PTPRD: variants seen among roughly 807,000 people sequenced by gnomAD.
PTPRD encodes the protein receptor-type tyrosine-protein phosphatase delta.
Under a neutral mutation model 214.5 loss-of-function variants are expected in PTPRD, and 34 were observed. The ratio of observed to expected loss-of-function variants is 0.16; its 90% confidence interval spans 0.12 to 0.21. PTPRD has a LOEUF of 0.21. PTPRD is among the 10% of genes least tolerant of loss of function. The probability of loss-of-function intolerance (pLI) is 1.00; values close to 1 mark genes in which losing one functional copy is unlikely to be tolerated. For synonymous variants in PTPRD, 1,128 were observed against 845.7 expected (o/e 1.33, Z -5.79); for missense variants, 2,545 against 2,398.7 (o/e 1.06, Z -1.27).
At chr9:8,535,840 T>C (rs149075527) in intron 14 of PTPRD, among the ~76,000 whole-genome samples, 126 of 152,052 alleles carry the variant, frequency 8.3e-4, no homozygotes, top group Middle Eastern at 3.4e-3. Flanking sequence ...GCTCCATTAA[T>C]TGTTCAGCTC....
At chr9:10,387,660 T>C (rs2097946184) in intron 2 of PTPRD, among the ~76,000 whole-genome samples, 1 of 151,738 alleles carries the variant, frequency 6.6e-6, no homozygotes, top group African/African-American at 2.4e-5. Flanking sequence ...CATTGTACAA[T>C]TCACTCTGAG....
intron 11 of PTPRD, among the ~76,000 whole-genome samples, chr9:8,822,335 G>C (rs1016276059): frequency 1.3e-5 from 2 of 151,550 alleles, no homozygotes; most frequent in Admixed American, 6.6e-5. Flanking sequence ...AGCAAACTCA[G>C]ATAGAGAAAT....
chr9:9,769,135 C>A (rs1328061849), intron 5 of PTPRD, among the ~76,000 whole-genome samples: 2 of 151,434 alleles, frequency 1.3e-5, no homozygotes, highest in African/African-American at 2.4e-5. Flanking sequence ...AAAATAACAA[C>A]AAGGAAAGAA....
intron 2 of PTPRD, among the ~76,000 whole-genome samples, chr9:10,364,340 C>T (rs978719545): frequency 1.1e-4 from 17 of 152,002 alleles, no homozygotes; most frequent in Non-Finnish European, 2.2e-4. Context: ...CAAAGCACTG[C>T]AAAGTTAAAT....
Position 8,978,939 on chromosome 9 carries a change from A to G in PTPRD, c.-104+39758T>C, listed in dbSNP as rs990261237. Reference sequence around the variant, plus strand: ...AGTTATTTAGAGTTGACTTTGAACGACATTCATTTGAATCCAATGAGGCTG... The same window carrying G: ...AGTTATTTAGAGTTGACTTTGAACGGCATTCATTTGAATCCAATGAGGCTG... On this transcript the variant is annotated intron_variant, in intron 11 of 45. Coordinates refer to ENST00000381196, the MANE Select transcript of PTPRD (RefSeq NM_002839.4). 2.0e-5 allele frequency among the ~76,000 whole-genome samples: 3 copies of G among 152,242 alleles called. 1 individual carries two copies. The highest frequency in any genetic ancestry group is 4.1e-4 in the South Asian group (2 of 4,820).
intron 10 of PTPRD, among the ~76,000 whole-genome samples, chr9:9,092,551 C>T (rs948209454): frequency 1.3e-5 from 2 of 151,934 alleles, no homozygotes; most frequent in African/African-American, 4.8e-5. Flanking sequence ...ATTCTATTCA[C>T]TTATAACATA....
At chr9:8,906,358 T>C (rs2098707785) in intron 11 of PTPRD, among the ~76,000 whole-genome samples, 1 of 152,160 alleles carries the variant, frequency 6.6e-6, no homozygotes, top group Admixed American at 6.5e-5. Context: ...AAGAAGAGAG[T>C]GCACTGTAGA....
At chr9:8,557,445 T>TAG (rs1362765872) in intron 14 of PTPRD, among the ~76,000 whole-genome samples, 2 of 127,824 alleles carry the variant, frequency 1.6e-5, no homozygotes, top group African/African-American at 9.6e-5. Flanking sequence ...CATATATATA[T>TAG]ATATATATAT....
intron 12 of PTPRD, among the ~76,000 whole-genome samples, chr9:8,711,928 C>T (rs2098342228): frequency 6.6e-6 from 1 of 152,158 alleles, no homozygotes; most frequent in Non-Finnish European, 1.5e-5. Context: ...ATGCATTCTG[C>T]TCAGTGAAAG....
chr9:9,910,939 T>G (rs1358738903), intron 5 of PTPRD, among the ~76,000 whole-genome samples: 2 of 151,844 alleles, frequency 1.3e-5, no homozygotes, highest in East Asian at 3.9e-4. Context: ...CTCATTCCAG[T>G]GGGAATCATT....
chr9:9,928,178 G>T (rs2085019140), intron 5 of PTPRD, among the ~76,000 whole-genome samples: 1 of 152,054 alleles, frequency 6.6e-6, no homozygotes, highest in Non-Finnish European at 1.5e-5. Flanking sequence ...AACTTTTGTT[G>T]CTGCATGATG....
chr9:9,447,510 T>C (rs1484293986), intron 8 of PTPRD, among the ~76,000 whole-genome samples: 1 of 151,872 alleles, frequency 6.6e-6, no homozygotes, highest in Non-Finnish European at 1.5e-5. Flanking sequence ...CTGGGACCTA[T>C]TGGAGGGTAG....
chr9:10,506,056 A>T (rs1250915141), intron 2 of PTPRD, among the ~76,000 whole-genome samples: 1 of 152,122 alleles, frequency 6.6e-6, no homozygotes, highest in African/African-American at 2.4e-5. Flanking sequence ...ACTATTTAAA[A>T]GACAAATAGA....
chr9:8,357,661 C>T (rs185917300), intron 39 of PTPRD, among the ~76,000 whole-genome samples: 35 of 152,228 alleles, frequency 2.3e-4, no homozygotes, highest in South Asian at 1.0e-3. Flanking sequence ...ATACTAGGGA[C>T]GCTATATGGT....
chr9:9,337,905 A>G (rs558943060), intron 9 of PTPRD, among the ~76,000 whole-genome samples: 4 of 152,350 alleles, frequency 2.6e-5, no homozygotes, highest in African/African-American at 7.2e-5. Flanking sequence ...ATGATGTAAT[A>G]AAATGCAACC....
chr9:9,373,085 C>A (rs1170808987), intron 9 of PTPRD, among the ~76,000 whole-genome samples: 13 of 152,022 alleles, frequency 8.6e-5, no homozygotes, highest in Non-Finnish European at 2.9e-5. Flanking sequence ...CTCAATCTGA[C>A]AGTTTATGTT....
chr9:9,335,652 T>C (rs1595958287), intron 9 of PTPRD, among the ~76,000 whole-genome samples: 2 of 152,108 alleles, frequency 1.3e-5, no homozygotes, highest in African/African-American at 4.8e-5. Context: ...GTTACACACA[T>C]CAATCACATA....
intron 11 of PTPRD, among the ~76,000 whole-genome samples, chr9:8,946,997 T>C (rs1050756795): frequency 1.3e-5 from 2 of 149,746 alleles, no homozygotes; most frequent in East Asian, 2.0e-4. Flanking sequence ...TCAAGCTTTC[T>C]ATCTCTGTCT....
At chr9:8,882,452 A>G (rs1469065257) in intron 11 of PTPRD, among the ~76,000 whole-genome samples, 1 of 152,194 alleles carries the variant, frequency 6.6e-6, no homozygotes, top group African/African-American at 2.4e-5. Context: ...AAAGTAGAGA[A>G]ATAGATGAGA....
Sources: gnomAD v4.1 joint callset for allele counts (sites outside exome capture counted in the v4.1 genomes callset) on GRCh38, gnomAD v4.1.1 for gene constraint, MANE v1.5 for transcripts, NCBI Gene and HGNC (gene_info 2026-07-23, HGNC 2026-07-21) for gene names.